The following CDK19 variants were observed in gnomAD, a reference collection of about 807,000 sequenced individuals.
The protein encoded by CDK19 is cyclin dependent kinase 19, also known as cyclin-dependent kinase 19.
CDK19 carries 20 observed loss-of-function variants against 68.3 expected under a neutral mutation model. The observed-to-expected ratio is 0.29, with a 90% CI of 0.21 to 0.43. The LOEUF (loss-of-function observed/expected upper bound fraction) is 0.43. CDK19 is among the 20% of genes least tolerant of loss of function. The pLI is 1.00. For missense variants in CDK19, 339 were observed against 623.5 expected (o/e 0.54, Z 4.86); for synonymous variants, 221 against 222.8 (o/e 0.99, Z 0.07).
intron 1 of CDK19, among the ~76,000 whole-genome samples, chr6:110,763,810 TA>T (rs1779392611): frequency 6.6e-6 from 1 of 151,922 alleles, no homozygotes. Context: ...AAGGCAAAAA[TA>T]AAACTTTGTT....
chr6:110,623,169 A>G, intron 9 of CDK19, 121 bp downstream of exon 9: 1 of 813,244 alleles, frequency 1.2e-6, no homozygotes, highest in Non-Finnish European at 2.0e-6. Context: ...CAAAAAAAAT[A>G]TTTAATTTTA....
chr6:110,624,961 T>A (rs1235944998), intron 8 of CDK19, among the ~76,000 whole-genome samples: 1 of 152,166 alleles, frequency 6.6e-6, no homozygotes, highest in Non-Finnish European at 1.5e-5. Flanking sequence ...TCCTATAGAT[T>A]TGCTAGGAAG....
At chr6:110,809,410 G>A (rs373569435) in intron 1 of CDK19, among the ~76,000 whole-genome samples, 13 of 151,792 alleles carry the variant, frequency 8.6e-5, no homozygotes, top group East Asian at 7.8e-4. Context: ...TCCTAGCTAC[G>A]CAAGAGCCTG....
chr6:110,737,135 A>C (rs940932199), intron 2 of CDK19, among the ~76,000 whole-genome samples: 3 of 152,220 alleles, frequency 2.0e-5, no homozygotes, highest in Admixed American at 2.0e-4. Flanking sequence ...ACAGCTAACT[A>C]GTCTATTCCC....
At chr6:110,629,770 G>A (rs1396813624) in intron 6 of CDK19, among the ~76,000 whole-genome samples, 6 of 152,102 alleles carry the variant, frequency 3.9e-5, no homozygotes, top group African/African-American at 9.7e-5. Context: ...AACTGATTTG[G>A]GGATTATTCT....
intron 2 of CDK19, among the ~76,000 whole-genome samples, chr6:110,711,547 T>C (rs1009781987): frequency 1.3e-5 from 2 of 151,974 alleles, no homozygotes; most frequent in African/African-American, 4.8e-5. Context: ...GAAATATTTT[T>C]GTGTAGCAAA....
rs1779777388 is a variant in CDK19, at chr6:110,768,880, T to G, written c.129-22679A>C. 2.0e-5 allele frequency among the ~76,000 whole-genome samples: 3 copies of G among 151,890 alleles called. No individual in the cohort carries two copies. In the South Asian group the frequency reaches 6.3e-4, roughly 32 times the overall value. On this transcript the variant is annotated intron_variant, in intron 1 of 12. Transcript: ENST00000368911. ...AGCAAACCCAAATGAAGGCCAGGCA[T>G]GGTGGCTCAAGCCTGTAATCCTAGC...
At chr6:110,788,652 TC>T (rs780757849) in intron 1 of CDK19, among the ~76,000 whole-genome samples, 52 of 152,360 alleles carry the variant, frequency 3.4e-4, no homozygotes, top group Non-Finnish European at 6.5e-4. Context: ...AGAAGCTGTA[TC>T]TTTTCAATAC....
At chr6:110,718,494 T>C (rs1775577022) in intron 2 of CDK19, among the ~76,000 whole-genome samples, 1 of 152,044 alleles carries the variant, frequency 6.6e-6, no homozygotes, top group Non-Finnish European at 1.5e-5. Context: ...TTGTGTATAG[T>C]GTGTAGAACA....
intron 3 of CDK19, 111 bp from the exon 4 acceptor site, chr6:110,667,685 C>A: frequency 2.0e-6 from 1 of 503,466 alleles, no homozygotes; most frequent in Non-Finnish European, 3.3e-6. Flanking sequence ...TTATTAAAGG[C>A]CAATAATGAC....
intron 1 of CDK19, among the ~76,000 whole-genome samples, chr6:110,803,183 C>T (rs1401352124): frequency 6.6e-6 from 1 of 152,106 alleles, no homozygotes; most frequent in Non-Finnish European, 1.5e-5. Flanking sequence ...AGGTTCACGC[C>T]ATTCTCCTGC....
chr6:110,629,661 C>T (rs988611377), intron 6 of CDK19, among the ~76,000 whole-genome samples: 3 of 152,140 alleles, frequency 2.0e-5, no homozygotes, highest in Non-Finnish European at 4.4e-5. Flanking sequence ...GCCCTAAGTA[C>T]TCATTTCTAA....
At chr6:110,724,064 C>T (rs962320326) in intron 2 of CDK19, among the ~76,000 whole-genome samples, 17 of 151,246 alleles carry the variant, frequency 1.1e-4, no homozygotes, top group African/African-American at 4.1e-4. Flanking sequence ...AAAAACTAGC[C>T]ATTATAGGGC....
At chr6:110,622,245 T>C (rs914478551) in intron 10 of CDK19, 79 bp from the exon 11 acceptor site, 13 of 1,020,958 alleles carry the variant, frequency 1.3e-5, no homozygotes, top group African/African-American at 1.6e-5. Context: ...AAAATTCCAA[T>C]TTGTTTTTCT....
rs1268889413 is a variant in CDK19, at chr6:110,613,728, G to A, written c.*807C>T. 6.6e-6 allele frequency: 1 copy of A among 152,526 alleles called. No homozygotes were observed. The highest frequency in any genetic ancestry group is 1.5e-5 in the Non-Finnish European group (1 of 68,016). 9.4% of individuals were successfully genotyped at this position (152,526 alleles called of 1,614,324 possible). A position where few individuals can be genotyped will look rare whatever the true frequency, so the allele number is the denominator to read the frequency against. ...GTGTGGGCCATCGAGACTGTACAAA[G>A]CTCTTGAAACCCTTTTTAAGGTAGA... On this transcript the variant is annotated 3_prime_UTR_variant, in exon 13 of 13. Coordinates refer to ENST00000368911, the MANE Select transcript of CDK19 (RefSeq NM_015076.5).
chr6:110,632,970 C>T (rs917768420), intron 5 of CDK19, among the ~76,000 whole-genome samples: 5 of 152,124 alleles, frequency 3.3e-5, no homozygotes, highest in African/African-American at 1.2e-4. Flanking sequence ...CCTGTAATTC[C>T]AGCACTTTGG....
chr6:110,792,933 C>A (rs1489767877), intron 1 of CDK19, among the ~76,000 whole-genome samples: 1 of 152,112 alleles, frequency 6.6e-6, no homozygotes, highest in Non-Finnish European at 1.5e-5. Flanking sequence ...CTCCTCGCAA[C>A]AATCAGTGAG....
At chr6:110,785,866 A>T (rs1189148493) in intron 1 of CDK19, among the ~76,000 whole-genome samples, 2 of 151,832 alleles carry the variant, frequency 1.3e-5, no homozygotes, top group East Asian at 3.9e-4. Flanking sequence ...TGTAATCCCA[A>T]CTACTCGGGA....
At chr6:110,798,282 A>G (rs1782088236) in intron 1 of CDK19, among the ~76,000 whole-genome samples, 3 of 152,104 alleles carry the variant, frequency 2.0e-5, no homozygotes, top group Non-Finnish European at 4.4e-5. Flanking sequence ...AAACAAAAAA[A>G]GTAAAAAATC....
Sources: allele counts gnomAD v4.1 joint callset (sites outside exome capture counted in the v4.1 genomes callset), GRCh38; gene constraint gnomAD v4.1.1; transcripts MANE v1.5; gene names NCBI Gene and HGNC (gene_info 2026-07-23, HGNC 2026-07-21).